The following ZMAT4 variants were observed in gnomAD, a reference collection of about 807,000 sequenced individuals.
ZMAT4 encodes zinc finger matrin-type protein 4.
ZMAT4 carries 17 observed loss-of-function variants against 28.7 expected under a neutral mutation model. The observed-to-expected ratio is 0.59, with a 90% CI of 0.41 to 0.89. ZMAT4 has a LOEUF of 0.89. ZMAT4 is among the 40% of genes least tolerant of loss of function. ZMAT4 has a pLI of 0.00. For synonymous variants in ZMAT4, 117 were observed against 109.2 expected (o/e 1.07, Z -0.44); for missense variants, 240 against 283.8 (o/e 0.85, Z 1.11).
chr8:40,856,822 T>C (rs1817314542), intron 1 of ZMAT4, among the ~76,000 whole-genome samples: 1 of 151,886 alleles, frequency 6.6e-6, no homozygotes, highest in Non-Finnish European at 1.5e-5. Flanking sequence ...ATCTGGTCAG[T>C]AGGTGGTTTC....
At chr8:40,679,379 A>T (rs1224457108) in intron 4 of ZMAT4, among the ~76,000 whole-genome samples, 1 of 152,162 alleles carries the variant, frequency 6.6e-6, no homozygotes, top group African/African-American at 2.4e-5. Context: ...CCTACTAATA[A>T]AGACATACCT....
intron 6 of ZMAT4, among the ~76,000 whole-genome samples, chr8:40,559,922 C>A (rs995394595): frequency 1.2e-4 from 18 of 152,070 alleles, no homozygotes; most frequent in African/African-American, 4.3e-4. Context: ...CCCTATGGCC[C>A]CTTTGGGATC....
At chr8:40,756,082 A>G (rs1003875873) in intron 3 of ZMAT4, among the ~76,000 whole-genome samples, 1 of 152,134 alleles carries the variant, frequency 6.6e-6, no homozygotes, top group Non-Finnish European at 1.5e-5. Flanking sequence ...TTGGGACCTT[A>G]AACATTATTG....
At chr8:40,685,347 G>T (rs1293534608) in intron 4 of ZMAT4, among the ~76,000 whole-genome samples, 1 of 152,126 alleles carries the variant, frequency 6.6e-6, no homozygotes, top group Non-Finnish European at 1.5e-5. Context: ...GAGCAATGAG[G>T]CTGATGAACA....
intron 5 of ZMAT4, among the ~76,000 whole-genome samples, chr8:40,582,494 A>C (rs1804524350): frequency 6.6e-6 from 1 of 152,228 alleles, no homozygotes; most frequent in African/African-American, 2.4e-5. Flanking sequence ...GTCTCAAAAA[A>C]AAAAAGTGAC....
intron 4 of ZMAT4, among the ~76,000 whole-genome samples, chr8:40,686,727 A>C (rs1809425992): frequency 6.6e-6 from 1 of 152,120 alleles, no homozygotes; most frequent in African/African-American, 2.4e-5. Flanking sequence ...TAAAACCAAA[A>C]CCAGTTTCAA....
chr8:40,775,117 G>A (rs977174261), intron 2 of ZMAT4, among the ~76,000 whole-genome samples: 7 of 152,120 alleles, frequency 4.6e-5, no homozygotes, highest in Non-Finnish European at 8.8e-5. Flanking sequence ...ACACATGGCC[G>A]GTGCTCAATA....
chr8:40,560,628 G>T (rs577831967), intron 6 of ZMAT4, among the ~76,000 whole-genome samples: 1 of 152,082 alleles, frequency 6.6e-6, no homozygotes, highest in South Asian at 2.1e-4. Flanking sequence ...TGGGAGGGCT[G>T]TCCTAATAGA....
At chr8:40,677,874 T>A (rs1441388588) in intron 4 of ZMAT4, among the ~76,000 whole-genome samples, 1 of 152,226 alleles carries the variant, frequency 6.6e-6, no homozygotes. Flanking sequence ...ATATTTACTT[T>A]ACCTGCCCTT....
At chr8:40,561,780 A>AT (rs957238572) in intron 6 of ZMAT4, among the ~76,000 whole-genome samples, 5 of 152,208 alleles carry the variant, frequency 3.3e-5, no homozygotes, top group Middle Eastern at 3.4e-3. Context: ...GTTTTTTGCA[A>AT]TTTTTTTAGC....
intron 5 of ZMAT4, among the ~76,000 whole-genome samples, chr8:40,623,890 G>A (rs1271549758): frequency 6.6e-6 from 1 of 152,154 alleles, no homozygotes; most frequent in African/African-American, 2.4e-5. Flanking sequence ...TCTGTGACTA[G>A]TGGCCCTTTG....
rs1162674202 is a variant in ZMAT4 at position 40,541,159 on chromosome 8, CTATTATT to C, written c.675-8928_675-8922del. Reference sequence around the variant, plus strand: ...ATATGGAGCAACAAATAAATGTGATCTATTATTTATTATTTATTATTATTTATTTGCT... The same window carrying C: ...ATATGGAGCAACAAATAAATGTGATCTATTATTTATTATTATTTATTTGCT... On this transcript the variant is annotated intron_variant, in intron 6 of 6. Transcript: ENST00000297737. 5.3e-5 allele frequency among the ~76,000 whole-genome samples: 8 copies of C among 152,156 alleles called. No individual in the cohort carries two copies. In the South Asian group the frequency reaches 1.2e-3, roughly 24 times the overall value.
chr8:40,581,783 G>T (rs2599679), intron 5 of ZMAT4, among the ~76,000 whole-genome samples: 33,751 of 152,104 alleles, frequency 0.22, 4,445 homozygotes, highest in Non-Finnish European at 0.3. Flanking sequence ...GAAGTCTTAC[G>T]TTCCACCAGA....
At chr8:40,595,629 A>G (rs1202158452) in intron 5 of ZMAT4, among the ~76,000 whole-genome samples, 1 of 152,214 alleles carries the variant, frequency 6.6e-6, no homozygotes, top group Non-Finnish European at 1.5e-5. Flanking sequence ...GTGTATCTAA[A>G]CATACCTAAG....
intron 5 of ZMAT4, among the ~76,000 whole-genome samples, chr8:40,657,569 C>T (rs1823643): frequency 0.84 from 128,433 of 152,066 alleles, 55,110 homozygotes; most frequent in Non-Finnish European, 0.92. Context: ...ATGTGTAATT[C>T]TTCTCTGACT....
At chr8:40,561,019 G>A (rs538869293) in intron 6 of ZMAT4, among the ~76,000 whole-genome samples, 2 of 152,070 alleles carry the variant, frequency 1.3e-5, no homozygotes, top group Non-Finnish European at 2.9e-5. Flanking sequence ...TATTTTCTAT[G>A]TTGGCACTAC....
rs1804238804 is a variant in ZMAT4, at chr8:40,575,620, A to T, written c.674+5545T>A. On this transcript the variant is annotated intron_variant, in intron 6 of 6. Coordinates refer to ENST00000297737, the MANE Select transcript of ZMAT4 (RefSeq NM_024645.3). ...GTGTTTACCTAGAATCAAAGTCAGT[A>T]CACTCTATTCTACTGAGACTCTGGG... Among the ~76,000 whole-genome samples the T allele has an allele frequency of 2.2e-5, 3 of 138,426 alleles. No homozygotes were observed. In the South Asian group the frequency reaches 6.6e-4, roughly 30 times the overall value. 90.8% of individuals were successfully genotyped at this position (138,426 alleles called of 152,430 possible).
intron 3 of ZMAT4, among the ~76,000 whole-genome samples, chr8:40,755,380 T>G (rs1812636615): frequency 6.6e-6 from 1 of 152,176 alleles, no homozygotes; most frequent in African/African-American, 2.4e-5. Context: ...AAAGCAGCTG[T>G]GGATAACATG....
chr8:40,892,081 G>T (rs1049867081), intron 1 of ZMAT4, among the ~76,000 whole-genome samples: 3 of 152,112 alleles, frequency 2.0e-5, no homozygotes, highest in African/African-American at 7.2e-5. Context: ...TCTCCACTGG[G>T]CCACCACTCC....
Sources: allele counts gnomAD v4.1 joint callset (sites outside exome capture counted in the v4.1 genomes callset), GRCh38; gene constraint gnomAD v4.1.1; transcripts MANE v1.5; gene names NCBI Gene and HGNC (gene_info 2026-07-23, HGNC 2026-07-21).